Variants in CCDC192 observed in about 807,000 individuals in gnomAD.
CCDC192 encodes coiled-coil domain containing 192.
chr5:127,852,696 C>T (rs1451654753), intron 5 of CCDC192, among the ~76,000 whole-genome samples: 1 of 152,184 alleles, frequency 6.6e-6, no homozygotes. Context: ...ACTAAAGATG[C>T]CTGGTGGTCC....
At chr5:127,918,849 G>A (rs1233019529) in intron 6 of CCDC192, among the ~76,000 whole-genome samples, 3 of 129,860 alleles carry the variant, frequency 2.3e-5, no homozygotes, top group South Asian at 2.3e-4. Flanking sequence ...GTGCATATAT[G>A]TATGTGCATG....
chr5:127,941,448 G>C lies in CCDC192; in HGVS notation c.802G>C (p.Val268Leu). The part of the protein sequence containing the change: ...VFSTHDIPPV[V>L]SDENL ...CTCTACTCATGACATCCCACCTGTG[G>C]TCTCTGATGAGAATTTGTAGATTCC... The change falls in exon 7 of 7, where the codon GTC becomes CTC. Residue 268 changes from valine to leucine, a missense_variant. Physicochemically the swap from Val to Leu is conservative, Grantham distance 32 (BLOSUM62 1). Transcript: ENST00000514853. The C allele has an allele frequency of 2.5e-6, 1 of 399,058 alleles. No homozygotes were observed. Among genetic ancestry groups the C allele is most frequent in the Non-Finnish European group, 4.4e-6 (1 of 226,064 alleles). 24.7% of individuals were successfully genotyped at this position (399,058 alleles called of 1,614,324 possible).
At chr5:127,837,761 G>A (rs533033658) in intron 5 of CCDC192, among the ~76,000 whole-genome samples, 1 of 152,256 alleles carries the variant, frequency 6.6e-6, no homozygotes, top group East Asian at 1.9e-4. Context: ...AGGTCGAAGT[G>A]GGCAGATCAT....
chr5:127,709,727 C>CT (rs1336829084), intron 2 of CCDC192, among the ~76,000 whole-genome samples: 2 of 152,106 alleles, frequency 1.3e-5, no homozygotes, highest in South Asian at 4.1e-4. Flanking sequence ...TCTTATGTTG[C>CT]TTTTTTCAGC....
At chr5:127,841,794 C>T (rs1750302208) in intron 5 of CCDC192, among the ~76,000 whole-genome samples, 2 of 150,790 alleles carry the variant, frequency 1.3e-5, no homozygotes, top group African/African-American at 2.4e-5. Context: ...AACGAGTGAT[C>T]AGTAAGCATG....
At chr5:127,881,077 A>G (rs922940148) in intron 6 of CCDC192, among the ~76,000 whole-genome samples, 12 of 152,362 alleles carry the variant, frequency 7.9e-5, no homozygotes, top group African/African-American at 2.9e-4. Flanking sequence ...ATTCTTCTCA[A>G]TGAACAAAAG....
chr5:127,787,809 T>C (rs1298362525), intron 3 of CCDC192, among the ~76,000 whole-genome samples: 1 of 152,148 alleles, frequency 6.6e-6, no homozygotes, highest in Non-Finnish European at 1.5e-5. Context: ...GTAGATATTA[T>C]ATCCATTATG....
rs1260852736 is a variant in CCDC192 at position 127,709,112 on chromosome 5, A to AGG, written c.114+1353_114+1354insGG. Among the ~76,000 whole-genome samples the AGG allele has an allele frequency of 2.0e-3, 179 of 90,520 alleles. 3 individuals carry two copies. Among genetic ancestry groups the AGG allele is most frequent in the African/African-American group, 7.0e-3 (162 of 23,020 alleles). 59.4% of individuals were successfully genotyped at this position (90,520 alleles called of 152,430 possible). A position where few individuals can be genotyped will look rare whatever the true frequency, so the allele number is the denominator to read the frequency against. ...CACACAGTGGGAGCAGGAGAGAGAG[A>AGG]GAGAGAGAGAGGGAGAGGGAGAGGG... On this transcript the variant is annotated intron_variant, in intron 2 of 6. Transcript: ENST00000514853.
At chr5:127,758,425 G>A (rs1434503280) in intron 3 of CCDC192, among the ~76,000 whole-genome samples, 1 of 152,176 alleles carries the variant, frequency 6.6e-6, no homozygotes, top group East Asian at 1.9e-4. Context: ...AGTCACTAAT[G>A]TCAAAATAAA....
At chr5:127,715,624 C>T (rs957660109) in intron 2 of CCDC192, among the ~76,000 whole-genome samples, 3 of 152,102 alleles carry the variant, frequency 2.0e-5, no homozygotes, top group African/African-American at 7.2e-5. Context: ...TGAAGGATAC[C>T]ATTGGTATTT....
intron 3 of CCDC192, among the ~76,000 whole-genome samples, chr5:127,764,686 T>C (rs935577495): frequency 2.6e-5 from 4 of 152,064 alleles, no homozygotes; most frequent in African/African-American, 9.7e-5. Context: ...AGAAGAAGAA[T>C]TGTCTTGGGG....
chr5:127,892,349 TG>T (rs1211316196), intron 6 of CCDC192, among the ~76,000 whole-genome samples: 1 of 152,218 alleles, frequency 6.6e-6, no homozygotes, highest in Non-Finnish European at 1.5e-5. Flanking sequence ...CATGTAATTC[TG>T]ATTACATGAC....
chr5:127,887,157 G>A (rs1752589171), intron 6 of CCDC192, among the ~76,000 whole-genome samples: 1 of 151,798 alleles, frequency 6.6e-6, no homozygotes. Flanking sequence ...GGGAAACCCT[G>A]TCTCTACCAA....
At chr5:127,745,079 G>A (rs1179045593) in intron 2 of CCDC192, among the ~76,000 whole-genome samples, 2 of 152,138 alleles carry the variant, frequency 1.3e-5, no homozygotes, top group Non-Finnish European at 2.9e-5. Context: ...CTTGACTGCC[G>A]AGCCTTTAAT....
intron 6 of CCDC192, among the ~76,000 whole-genome samples, chr5:127,879,153 A>C (rs1385908923): frequency 1.3e-5 from 2 of 152,294 alleles, no homozygotes; most frequent in Non-Finnish European, 2.9e-5. Context: ...AAAAGAACAA[A>C]GCTGGAGGCA....
At chr5:127,848,065 T>C (rs1167033428) in intron 5 of CCDC192, among the ~76,000 whole-genome samples, 1 of 151,968 alleles carries the variant, frequency 6.6e-6, no homozygotes, top group African/African-American at 2.4e-5. Context: ...CCCAAAGTGC[T>C]GGGATTACAG....
At chr5:127,736,957 C>T (rs1380161370) in intron 2 of CCDC192, among the ~76,000 whole-genome samples, 7 of 150,678 alleles carry the variant, frequency 4.6e-5, no homozygotes, top group South Asian at 2.1e-4. Context: ...TTAGTTATTT[C>T]TTGCCTTCTG....
chr5:127,794,061 T>C (rs1296775766), intron 3 of CCDC192, among the ~76,000 whole-genome samples: 2 of 152,208 alleles, frequency 1.3e-5, no homozygotes, highest in Non-Finnish European at 2.9e-5. Flanking sequence ...GTAGTAGCAT[T>C]CGCGTCTGGT....
intron 2 of CCDC192, among the ~76,000 whole-genome samples, chr5:127,724,173 AAAGT>A (rs995065225): frequency 2.6e-5 from 4 of 152,236 alleles, no homozygotes; most frequent in Non-Finnish European, 4.4e-5. Flanking sequence ...CCAAATACTC[AAAGT>A]AAGTGATTGA....
Sources: gnomAD v4.1 joint callset for allele counts (sites outside exome capture counted in the v4.1 genomes callset) on GRCh38, gnomAD v4.1.1 for gene constraint, MANE v1.5 for transcripts, NCBI Gene and HGNC (gene_info 2026-07-23, HGNC 2026-07-21) for gene names.